The following CCDC171 variants were observed in gnomAD, a reference collection of about 807,000 sequenced individuals.
The protein encoded by CCDC171 is coiled-coil domain-containing protein 171.
CCDC171 carries 177 observed loss-of-function variants against 168.2 expected under a neutral mutation model. The ratio of observed to expected loss-of-function variants is 1.05; its 90% CI spans 0.93 to 1.19. The LOEUF (loss-of-function observed/expected upper bound fraction) is 1.19. CCDC171 is among the 50% of genes most tolerant of loss of function. The pLI, the probability that CCDC171 is intolerant of heterozygous loss-of-function variation, is 0.00. For synonymous variants in CCDC171, 687 were observed against 540.8 expected (o/e 1.27, Z -3.75); for missense variants, 1,991 against 1,539.0 (o/e 1.29, Z -4.91).
Position 15,851,901 on chromosome 9 carries a change from G to C in CCDC171, c.3468+2954G>C, listed in dbSNP as rs2061144424. Reference sequence around the variant, plus strand: ...TCAAGGGTCATTCATCTTGTGGCGTGTATTGATACGTCATACCCTTTTATG... The same window carrying C: ...TCAAGGGTCATTCATCTTGTGGCGTCTATTGATACGTCATACCCTTTTATG... On this transcript the variant is annotated intron_variant, in intron 23 of 25. Coordinates refer to ENST00000380701, the MANE Select transcript of CCDC171 (RefSeq NM_173550.4). 2.0e-5 allele frequency among the ~76,000 whole-genome samples: 3 copies of C among 151,956 alleles called. No homozygotes were observed. In the South Asian group the frequency reaches 6.2e-4, roughly 31 times the overall value.
chr9:15,740,105 A>G (rs1307066799), intron 16 of CCDC171, among the ~76,000 whole-genome samples: 1 of 152,056 alleles, frequency 6.6e-6, no homozygotes, highest in East Asian at 1.9e-4. Context: ...TTTAGTTTTA[A>G]CAATCCTATC....
intron 23 of CCDC171, among the ~76,000 whole-genome samples, chr9:15,859,843 A>G (rs1304667109): frequency 2.0e-5 from 3 of 151,388 alleles, no homozygotes; most frequent in Non-Finnish European, 4.4e-5. Context: ...AATTATTATT[A>G]TTTTTTGAAG....
At chr9:15,871,269 A>G (rs1241506012) in intron 23 of CCDC171, among the ~76,000 whole-genome samples, 1 of 151,828 alleles carries the variant, frequency 6.6e-6, no homozygotes, top group Non-Finnish European at 1.5e-5. Flanking sequence ...TGAAGAAGAA[A>G]AACATTGTAT....
intron 6 of CCDC171, among the ~76,000 whole-genome samples, chr9:15,614,267 CT>C (rs1319149481): frequency 6.6e-6 from 1 of 152,140 alleles, no homozygotes; most frequent in African/African-American, 2.4e-5. Context: ...GTGGCTGGGG[CT>C]TTTGGGGAGC....
intron 23 of CCDC171, among the ~76,000 whole-genome samples, chr9:15,859,307 T>G (rs376243625): frequency 3.4e-4 from 52 of 152,118 alleles, no homozygotes; most frequent in African/African-American, 1.2e-3. Flanking sequence ...GTTGAGGATT[T>G]TTAGATCTAT....
chr9:15,683,633 A>T (rs559721599), intron 10 of CCDC171, among the ~76,000 whole-genome samples: 1 of 152,196 alleles, frequency 6.6e-6, no homozygotes, highest in East Asian at 1.9e-4. Flanking sequence ...GTATTTAAAT[A>T]TTCCTTTTAG....
intron 10 of CCDC171, among the ~76,000 whole-genome samples, chr9:15,690,188 G>A (rs2050690613): frequency 6.6e-6 from 1 of 152,128 alleles, no homozygotes; most frequent in Admixed American, 6.5e-5. Flanking sequence ...TCTAAATCTA[G>A]ATTGTGGATA....
chr9:15,578,695 G>A (rs546518132), intron 3 of CCDC171, among the ~76,000 whole-genome samples, 154 bp from the exon 4 acceptor site: 1 of 151,898 alleles, frequency 6.6e-6, no homozygotes, highest in South Asian at 2.1e-4. Flanking sequence ...ATTTTGTAAG[G>A]TAGTGCTTTC....
chr9:15,695,583 C>G (rs976781813), intron 11 of CCDC171, among the ~76,000 whole-genome samples: 3 of 152,152 alleles, frequency 2.0e-5, no homozygotes, highest in Non-Finnish European at 4.4e-5. Flanking sequence ...ATTGGACAGA[C>G]AAGGGCTCAC....
chr9:15,873,178 G>A (rs139887906), intron 23 of CCDC171, among the ~76,000 whole-genome samples: 85 of 152,134 alleles, frequency 5.6e-4, no homozygotes, highest in African/African-American at 1.9e-3. Flanking sequence ...AGTTAAAGAT[G>A]CCGTTATATG....
intron 6 of CCDC171, among the ~76,000 whole-genome samples, chr9:15,615,522 TAAATA>T (rs2044015432): frequency 6.6e-6 from 1 of 152,344 alleles, no homozygotes; most frequent in Non-Finnish European, 1.5e-5. Context: ...GAAATACTCT[TAAATA>T]AAAGCCATTT....
chr9:16,092,642 T>C, the CCDC171 span, among the ~76,000 whole-genome samples: 1 of 152,212 alleles, frequency 6.6e-6, no homozygotes, highest in African/African-American at 2.4e-5. Flanking sequence ...CAAACAACTT[T>C]TACCAGAGCA....
At chr9:15,936,218 C>G (rs1459284344) in intron 25 of CCDC171, among the ~76,000 whole-genome samples, 3 of 151,870 alleles carry the variant, frequency 2.0e-5, no homozygotes, top group South Asian at 4.1e-4. Flanking sequence ...TTTCTTTTTT[C>G]TTTCTTAATA....
intron 13 of CCDC171, 127 bp from the exon 14 acceptor site, chr9:15,724,649 C>T (rs2053682618): frequency 1.6e-6 from 1 of 622,448 alleles, no homozygotes; most frequent in Non-Finnish European, 2.9e-6. Flanking sequence ...TAAACAAATG[C>T]TTGCCTGCCT....
At chr9:15,584,510 C>CT (rs2041398241) in intron 4 of CCDC171, among the ~76,000 whole-genome samples, 1 of 152,142 alleles carries the variant, frequency 6.6e-6, no homozygotes, top group South Asian at 2.1e-4. Context: ...ATGTAATAAA[C>CT]TGAGTGGGAA....
At position 15,737,596 on chromosome 9, in the gene CCDC171, C is replaced by T. The variant is rs1163168384; in HGVS notation, c.2050-6677C>T. On this transcript the variant is annotated intron_variant, in intron 16 of 25. Coordinates refer to ENST00000380701, the MANE Select transcript of CCDC171 (RefSeq NM_173550.4). ...TATTGACATATTTATTCCCAGTCTTCCGATAAAAAGAACTCTGTTCTTTTG... is the reference window on the plus strand; with the variant it reads ...TATTGACATATTTATTCCCAGTCTTTCGATAAAAAGAACTCTGTTCTTTTG... 2.6e-5 allele frequency among the ~76,000 whole-genome samples: 4 copies of T among 152,100 alleles called. No individual in the cohort carries two copies. In the East Asian group the frequency reaches 7.7e-4, roughly 29 times the overall value.
At chr9:15,571,236 G>T (rs2131068514) in intron 2 of CCDC171, among the ~76,000 whole-genome samples, 1 of 152,054 alleles carries the variant, frequency 6.6e-6, no homozygotes, top group African/African-American at 2.4e-5. Flanking sequence ...GGGTGCTTTA[G>T]TCTGACATTT....
At chr9:15,576,247 G>T (rs914595446) in intron 3 of CCDC171, among the ~76,000 whole-genome samples, 5 of 151,796 alleles carry the variant, frequency 3.3e-5, no homozygotes, top group Non-Finnish European at 7.4e-5. Flanking sequence ...GCAGTGATGT[G>T]ATCATTGCTC....
chr9:15,891,007 C>G (rs1820144282), intron 24 of CCDC171, among the ~76,000 whole-genome samples: 1 of 152,066 alleles, frequency 6.6e-6, no homozygotes, highest in African/African-American at 2.4e-5. Flanking sequence ...TGCCAATTTG[C>G]TTTTCTTCAG....
Sources: gnomAD v4.1 joint callset for allele counts (sites outside exome capture counted in the v4.1 genomes callset) on GRCh38, gnomAD v4.1.1 for gene constraint, MANE v1.5 for transcripts, NCBI Gene and HGNC (gene_info 2026-07-23, HGNC 2026-07-21) for gene names.